The following SNRK variants were observed in gnomAD, a reference collection of about 807,000 sequenced individuals.
SNRK encodes SNF related kinase, also known as SNF-related serine/threonine-protein kinase.
Under a neutral mutation model 48.2 loss-of-function variants are expected in SNRK, and 3 were observed. The ratio of observed to expected loss-of-function variants is 0.06; its 90% confidence interval spans 0.03 to 0.16. The LOEUF (loss-of-function observed/expected upper bound fraction) is 0.16. Ranked by LOEUF, SNRK falls within the 10% of genes least tolerant of loss-of-function variation. The probability of loss-of-function intolerance (pLI) is 1.00; values close to 1 mark genes in which losing one functional copy is unlikely to be tolerated. For missense variants in SNRK, 627 were observed against 976.0 expected (o/e 0.64, Z 4.76); for synonymous variants, 376 against 366.1 (o/e 1.03, Z -0.31).
chr3:43,319,653 TTTG>T (rs2091039425), intron 3 of SNRK, among the ~76,000 whole-genome samples: 1 of 152,216 alleles, frequency 6.6e-6, no homozygotes, highest in African/African-American at 2.4e-5. Context: ...GGACCATGTG[TTTG>T]TTTATATTTT....
At chr3:43,288,933 A>G (rs1336132734) in intron 1 of SNRK, among the ~76,000 whole-genome samples, 2 of 152,224 alleles carry the variant, frequency 1.3e-5, no homozygotes, top group African/African-American at 2.4e-5. Context: ...GGAAAAATTG[A>G]GTGGATCCTA....
chr3:43,344,989 T>G (rs1030148216), intron 6 of SNRK, among the ~76,000 whole-genome samples: 2 of 152,172 alleles, frequency 1.3e-5, no homozygotes, highest in Admixed American at 1.3e-4. Context: ...AAAGAAATAG[T>G]AGGCCAGGCA....
chr3:43,339,871 ATATG>A (rs1297392495), intron 4 of SNRK, among the ~76,000 whole-genome samples: 1 of 96,244 alleles, frequency 1.0e-5, no homozygotes, highest in Non-Finnish European at 2.1e-5. Context: ...ATATATATAT[ATATG>A]TTACATGGTA....
Position 43,303,138 on chromosome 3 carries a change from C to A in SNRK, c.-66C>A, listed in dbSNP as rs534137690. ...TTGAAAATGAATTTTTTGTATTCAC[C>A]AGATATTCTTATATGAGAAGATCTA... On this transcript the variant is annotated 5_prime_UTR_variant, in exon 3 of 7. Transcript: ENST00000296088. This position sits in a 1 kb window ranked among gnomAD's most constrained non-coding sequence, Gnocchi z 6.2. The A allele has an allele frequency of 7.0e-6, 8 of 1,142,764 alleles. No individual in the cohort carries two copies. The South Asian group carries it at 1.0e-4, about 14-fold the overall frequency. The allele number at this position is 1,142,764 out of a possible 1,614,324, so 70.8% of individuals were successfully genotyped here. A position where few individuals can be genotyped will look rare whatever the true frequency, so the allele number is the denominator to read the frequency against.
At position 43,349,800 on chromosome 3, in the gene SNRK, A is replaced by G. The variant is rs1364625010; in HGVS notation, c.*1243A>G. ...CATTCTATCTTGTAGGACACTGTAT[A>G]TTGCAAATTGCTGATTATGGAAGGG... On this transcript the variant is annotated 3_prime_UTR_variant, in exon 7 of 7. Coordinates refer to ENST00000296088, the MANE Select transcript of SNRK (RefSeq NM_017719.5). 1.3e-5 allele frequency: 2 copies of G among 152,218 alleles called. No individual in the cohort carries two copies. The highest frequency in any genetic ancestry group is 2.4e-5 in the African/African-American group (1 of 41,448). The allele number at this position is 152,218 out of a possible 1,614,324, so 9.4% of individuals were successfully genotyped here. A position where few individuals can be genotyped will look rare whatever the true frequency, so the allele number is the denominator to read the frequency against.
At position 43,343,368 on chromosome 3, in the gene SNRK, C is replaced by T. The variant is rs1270769163; in HGVS notation, c.969C>T (p.Asn323=). 2 of 1,613,956 alleles carry T rather than the reference C, an allele frequency of 1.2e-6. No individual in the cohort carries two copies. The highest frequency in any genetic ancestry group is 1.7e-6 in the Non-Finnish European group (2 of 1,180,018). The change falls in exon 6 of 7, where the codon AAC becomes AAT. Residue 323 remains asparagine, a synonymous_variant. Transcript: ENST00000296088. ...IVEALETNRY[N]HITATYFLLA... is the part of the protein sequence containing the mutation. ...GAGCCCTGGAAACCAACAGGTATAA[C>T]CATATCACAGCCACATACTTCCTGC...
chr3:43,341,395 C>T (rs1400561665), intron 5 of SNRK, among the ~76,000 whole-genome samples: 2 of 152,186 alleles, frequency 1.3e-5, no homozygotes, highest in African/African-American at 2.4e-5. Flanking sequence ...TCGTGATCCG[C>T]CCGCCTTGGC....
chr3:43,305,755 GATT>G (rs1274644972), intron 3 of SNRK, among the ~76,000 whole-genome samples: 1 of 152,044 alleles, frequency 6.6e-6, no homozygotes, highest in African/African-American at 2.4e-5. Flanking sequence ...AAAGTGCTGG[GATT>G]ACAGGCATGA....
chr3:43,331,501 AT>A (rs2091146012), intron 3 of SNRK, among the ~76,000 whole-genome samples: 4 of 152,202 alleles, frequency 2.6e-5, no homozygotes, highest in Non-Finnish European at 5.9e-5. Context: ...CTTTGCTGGA[AT>A]ACTTTTAGTG....
intron 1 of SNRK, among the ~76,000 whole-genome samples, chr3:43,293,921 GA>G (rs111484391): frequency 1.1e-4 from 15 of 142,646 alleles, no homozygotes; most frequent in East Asian, 6.1e-4. Context: ...TCTGTCTCAA[GA>G]AAAAAAAAAA....
chr3:43,331,908 G>T (rs968437073), intron 3 of SNRK, among the ~76,000 whole-genome samples: 5 of 152,116 alleles, frequency 3.3e-5, no homozygotes, highest in African/African-American at 1.2e-4. Flanking sequence ...TGATATTATT[G>T]CTCTGTTACC....
rs55847039 is a variant in SNRK at position 43,322,951 on chromosome 3, C to CAA, written c.590-9204_590-9203dup. 3.2e-4 allele frequency among the ~76,000 whole-genome samples: 23 copies of CAA among 72,638 alleles called. 4 individuals carry two copies. The highest frequency in any genetic ancestry group is 1.2e-3 in the African/African-American group (20 of 16,774). 47.7% of individuals were successfully genotyped at this position (72,638 alleles called of 152,430 possible). A position where few individuals can be genotyped will look rare whatever the true frequency, so the allele number is the denominator to read the frequency against. ...TGCGCGACAGAGTAAGACTCCGTCT[C>CAA]AAAAAAAAAAAAAAAGACTGTATTG... On this transcript the variant is annotated intron_variant, in intron 3 of 6. Transcript: ENST00000296088.
intron 3 of SNRK, among the ~76,000 whole-genome samples, chr3:43,323,859 C>G (rs887461035): frequency 1.3e-5 from 2 of 152,162 alleles, no homozygotes; most frequent in African/African-American, 4.8e-5. Flanking sequence ...ACTACGTACT[C>G]TGTGACTCCA....
In SNRK at chr3:43,303,126, T is replaced by C. The variant is rs1249623352; in HGVS notation, c.-78T>C. The C allele has an allele frequency of 1.3e-5, 14 of 1,041,724 alleles. No individual in the cohort carries two copies. The Admixed American group carries it at 1.4e-4, about 10-fold the overall frequency. The allele number at this position is 1,041,724 out of a possible 1,614,324, so 64.5% of individuals were successfully genotyped here. ...TCCATGACGACATTGAAAATGAATT[T>C]TTTGTATTCACCAGATATTCTTATA... On this transcript the variant is annotated 5_prime_UTR_variant, in exon 3 of 7. Transcript: ENST00000296088. The surrounding 1 kb of genome is among the most constrained non-coding windows in gnomAD (Gnocchi z 6.2).
At chr3:43,313,635 T>C (rs546365066) in intron 3 of SNRK, among the ~76,000 whole-genome samples, 2 of 152,302 alleles carry the variant, frequency 1.3e-5, no homozygotes, top group African/African-American at 4.8e-5. Context: ...AATCTCCACA[T>C]GTGATAAAAA....
intron 3 of SNRK, among the ~76,000 whole-genome samples, chr3:43,320,462 T>C (rs1365170857): frequency 8.5e-5 from 13 of 152,172 alleles, no homozygotes; most frequent in Non-Finnish European, 1.9e-4. Flanking sequence ...CCTGAGATGG[T>C]GTGACTGATT....
At chr3:43,316,926 C>A (rs1192786073) in intron 3 of SNRK, among the ~76,000 whole-genome samples, 1 of 152,138 alleles carries the variant, frequency 6.6e-6, no homozygotes, top group Non-Finnish European at 1.5e-5. Context: ...CACACCGCCT[C>A]ATTCCAACTC....
chr3:43,291,303 A>G (rs1384320561), intron 1 of SNRK, among the ~76,000 whole-genome samples: 1 of 152,174 alleles, frequency 6.6e-6, no homozygotes, highest in Non-Finnish European at 1.5e-5. Flanking sequence ...TGTCTGTGGC[A>G]TTCTCCAAGG....
intron 4 of SNRK, among the ~76,000 whole-genome samples, chr3:43,336,333 C>T (rs2091188506): frequency 6.8e-6 from 1 of 146,208 alleles, no homozygotes; most frequent in Non-Finnish European, 1.5e-5. Flanking sequence ...TTCCCTCCCT[C>T]TCTTTCTTTT....
Sources: gnomAD v4.1 joint callset for allele counts (sites outside exome capture counted in the v4.1 genomes callset) on GRCh38, gnomAD v4.1.1 for gene constraint, Gnocchi (gnomAD v3.1) non-coding constraint, MANE v1.5 for transcripts, NCBI Gene and HGNC (gene_info 2026-07-23, HGNC 2026-07-21) for gene names.